Variants in RAI14 observed in about 807,000 individuals in gnomAD.
RAI14 encodes the protein retinoic acid induced 14.
RAI14 carries 45 observed loss-of-function variants against 115.4 expected under a neutral mutation model. The observed-to-expected ratio is 0.39, with a 90% CI of 0.31 to 0.50. The LOEUF is 0.50. RAI14 is among the 20% of genes least tolerant of loss of function. RAI14 has a pLI of 0.85. For synonymous variants in RAI14, 371 were observed against 415.4 expected, an observed-to-expected ratio of 0.89 and a Z score of 1.30; for missense variants, 939 against 1,131.2, an observed-to-expected ratio of 0.83 and a Z score of 2.44.
At position 34,764,406 on chromosome 5, in the gene RAI14, CCAA is replaced by C. The variant is rs538490555; in HGVS notation, c.167+6809_167+6811del. Reference sequence around the variant, plus strand: ...ACTTTAGGTGATCTGAATGGTTTGTCCAAACAGAACCACTGAGCAGGACAGGAT... The same window carrying C: ...ACTTTAGGTGATCTGAATGGTTTGTCACAGAACCACTGAGCAGGACAGGAT... On this transcript the variant is annotated intron_variant, in intron 3 of 17. Transcript: ENST00000265109. Among the ~76,000 whole-genome samples the C allele has an allele frequency of 2.6e-3, 394 of 152,230 alleles. 1 individual carries two copies. The highest frequency in any genetic ancestry group is 3.9e-3 in the Admixed American group (59 of 15,292).
chr5:34,782,900 G>A (rs116366509), intron 3 of RAI14, among the ~76,000 whole-genome samples: 185 of 152,300 alleles, frequency 1.2e-3, no homozygotes, highest in African/African-American at 4.2e-3. Context: ...ATGTCTGCCT[G>A]TTCTGCAATG....
intron 3 of RAI14, 140 bp downstream of exon 3, chr5:34,757,738 C>G: frequency 8.8e-7 from 1 of 1,136,984 alleles, no homozygotes; most frequent in East Asian, 2.8e-5. Context: ...ATATTTTAAT[C>G]TAGTGCCTTT....
intron 2 of RAI14, chr5:34,687,619 A>T (rs925893262): frequency 1.2e-5 from 18 of 1,547,228 alleles, no homozygotes; most frequent in Admixed American, 2.0e-5. Context: ...GTCACCCCAT[A>T]AACCCTTCTA....
intron 2 of RAI14, among the ~76,000 whole-genome samples, chr5:34,736,711 G>T (rs1314526055): frequency 6.6e-6 from 1 of 152,116 alleles, no homozygotes; most frequent in Non-Finnish European, 1.5e-5. Flanking sequence ...CCAGAATGTG[G>T]GTTTGAACAA....
chr5:34,711,557 C>G (rs1004303410), intron 2 of RAI14, among the ~76,000 whole-genome samples: 1 of 152,186 alleles, frequency 6.6e-6, no homozygotes, highest in African/African-American at 2.4e-5. Context: ...ACAGGGGATG[C>G]GATGGCTTGG....
At chr5:34,690,681 G>A (rs1738477198) in intron 2 of RAI14, among the ~76,000 whole-genome samples, 1 of 152,228 alleles carries the variant, frequency 6.6e-6, no homozygotes, top group South Asian at 2.1e-4. Context: ...GCTGTGGTTA[G>A]ACAGTGACAT....
intron 1 of RAI14, among the ~76,000 whole-genome samples, chr5:34,677,926 T>C (rs1744107573): frequency 6.6e-6 from 1 of 152,310 alleles, no homozygotes; most frequent in South Asian, 2.1e-4. Context: ...AAGTTGTAAT[T>C]TGATTTAAAG....
chr5:34,674,593 T>TTG (rs1257702337), intron 1 of RAI14, among the ~76,000 whole-genome samples: 1 of 151,520 alleles, frequency 6.6e-6, no homozygotes, highest in African/African-American at 2.4e-5. Context: ...TTTGTTTTTT[T>TTG]TTTTTTTTTG....
At chr5:34,665,393 C>T (rs1743126749) in intron 1 of RAI14, among the ~76,000 whole-genome samples, 1 of 150,654 alleles carries the variant, frequency 6.6e-6, no homozygotes, top group African/African-American at 2.4e-5. Context: ...GTGATAGACA[C>T]TCAGAAAACA....
chr5:34,687,664 C>T, intron 2 of RAI14: 3 of 1,551,292 alleles, frequency 1.9e-6, no homozygotes, highest in Non-Finnish European at 2.6e-6. Context: ...ATTCCAGATA[C>T]TTTGAGCAGA....
At chr5:34,813,694 G>T (rs750268445) in intron 11 of RAI14, 34 bp downstream of exon 11, 6 of 1,512,862 alleles carry the variant, frequency 4.0e-6, no homozygotes, top group Non-Finnish European at 5.5e-6. Flanking sequence ...ATCAATAAAC[G>T]CACCACAAGA....
chr5:34,800,524 G>A (rs1461089433), intron 4 of RAI14, among the ~76,000 whole-genome samples: 1 of 152,198 alleles, frequency 6.6e-6, no homozygotes, highest in African/African-American at 2.4e-5. Flanking sequence ...TGCATTTGGA[G>A]AGAGAATTTG....
intron 1 of RAI14, among the ~76,000 whole-genome samples, chr5:34,666,498 T>C (rs1311975701): frequency 6.6e-6 from 1 of 152,224 alleles, no homozygotes; most frequent in East Asian, 1.9e-4. Context: ...GCCACACTTT[T>C]AGTTGAGGAA....
intron 3 of RAI14, among the ~76,000 whole-genome samples, chr5:34,764,691 G>A (rs909862910): frequency 2.0e-5 from 3 of 151,830 alleles, no homozygotes; most frequent in Non-Finnish European, 4.4e-5. Flanking sequence ...AACAATTCTC[G>A]AGTTTTTTTT....
At chr5:34,750,623 A>T (rs1427200076) in intron 2 of RAI14, among the ~76,000 whole-genome samples, 1 of 152,148 alleles carries the variant, frequency 6.6e-6, no homozygotes, top group Admixed American at 6.6e-5. Context: ...TGAGGGAAGG[A>T]GAAGGAAATA....
chr5:34,668,426 G>C (rs1366823452), intron 1 of RAI14, among the ~76,000 whole-genome samples: 1 of 151,612 alleles, frequency 6.6e-6, no homozygotes, highest in Non-Finnish European at 1.5e-5. Flanking sequence ...CCCCACGAAG[G>C]GTTCAGTGTC....
chr5:34,669,148 C>A (rs1579862155), intron 1 of RAI14, among the ~76,000 whole-genome samples: 3 of 152,198 alleles, frequency 2.0e-5, no homozygotes, highest in Non-Finnish European at 4.4e-5. Context: ...AGCCACCACA[C>A]CCAGCCAGTA....
intron 1 of RAI14, among the ~76,000 whole-genome samples, chr5:34,683,025 G>A (rs1336998916): frequency 2.0e-5 from 3 of 152,184 alleles, no homozygotes; most frequent in Non-Finnish European, 4.4e-5. Flanking sequence ...AGGAAGGCGA[G>A]TCCGTTTACT....
At chr5:34,747,781 T>G (rs1239338454) in intron 2 of RAI14, among the ~76,000 whole-genome samples, 1 of 152,180 alleles carries the variant, frequency 6.6e-6, no homozygotes, top group Non-Finnish European at 1.5e-5. Context: ...AAACAAAGCC[T>G]TTCCATGCAC....
Sources: gnomAD v4.1 joint callset for allele counts (sites outside exome capture counted in the v4.1 genomes callset) on GRCh38, gnomAD v4.1.1 for gene constraint, MANE v1.5 for transcripts, NCBI Gene and HGNC (gene_info 2026-07-23, HGNC 2026-07-21) for gene names.